TLN2: variants seen among roughly 807,000 people sequenced by gnomAD.
TLN2 encodes talin 2, also known as talin-2.
A neutral mutation model predicts 294.7 loss-of-function variants in TLN2; 118 were observed. The ratio of observed to expected loss-of-function variants is 0.40; its 90% CI spans 0.34 to 0.47. The LOEUF (loss-of-function observed/expected upper bound fraction) is 0.47, where lower values mean the gene tolerates loss of function less well. TLN2 is among the 20% of genes least tolerant of loss of function. TLN2 has a pLI of 0.84. For synonymous variants in TLN2, 1,431 were observed against 1,304.5 expected, an observed-to-expected ratio of 1.10 and a Z score of -2.09; for missense variants, 3,083 against 3,282.2, an observed-to-expected ratio of 0.94 and a Z score of 1.48.
At chr15:62,542,559 T>C (rs1259143056) in intron 1 of TLN2, among the ~76,000 whole-genome samples, 1 of 152,198 alleles carries the variant, frequency 6.6e-6, no homozygotes, top group Non-Finnish European at 1.5e-5. Flanking sequence ...AAATACTGTA[T>C]ATACTAGGAT....
intron 40 of TLN2, among the ~76,000 whole-genome samples, chr15:62,765,706 A>T (rs945674374): frequency 1.3e-5 from 2 of 152,216 alleles, no homozygotes; most frequent in East Asian, 1.9e-4. Flanking sequence ...GCATGATTCA[A>T]TTCTTTAGGG....
chr15:62,533,962 A>G (rs2041190865), intron 1 of TLN2, among the ~76,000 whole-genome samples: 1 of 152,208 alleles, frequency 6.6e-6, no homozygotes, highest in Non-Finnish European at 1.5e-5. Context: ...TTAATTAACA[A>G]GAAGCAGTCA....
chr15:62,456,713 ATAGT>A (rs72164062), intron 1 of TLN2, among the ~76,000 whole-genome samples: 28,927 of 151,984 alleles, frequency 0.19, 2,909 homozygotes, highest in Non-Finnish European at 0.22. Flanking sequence ...GGCTTGTCAC[ATAGT>A]TAGTATGTTT....
intron 1 of TLN2, among the ~76,000 whole-genome samples, 180 bp from the exon 2 acceptor site, chr15:62,589,507 C>T (rs2045922448): frequency 6.6e-6 from 1 of 152,206 alleles, no homozygotes; most frequent in Admixed American, 6.5e-5. Context: ...AAATAAGTGT[C>T]TTGGGACCTG....
At chr15:62,444,431 T>A (rs1021470170) in intron 1 of TLN2, among the ~76,000 whole-genome samples, 1 of 152,264 alleles carries the variant, frequency 6.6e-6, no homozygotes, top group Non-Finnish European at 1.5e-5. Flanking sequence ...TTCCCAAATT[T>A]GTGAATACTC....
At chr15:62,401,667 TC>T (rs1178013238) in intron 1 of TLN2, among the ~76,000 whole-genome samples, 1 of 152,168 alleles carries the variant, frequency 6.6e-6, no homozygotes, top group African/African-American at 2.4e-5. Flanking sequence ...GTCCTCTGAG[TC>T]ACCTTGCCTC....
chr15:62,760,379 A>G (rs1260727243), intron 37 of TLN2, among the ~76,000 whole-genome samples: 1 of 152,144 alleles, frequency 6.6e-6, no homozygotes, highest in African/African-American at 2.4e-5. Flanking sequence ...TGCTCTACTG[A>G]AAAACAGAAA....
intron 1 of TLN2, among the ~76,000 whole-genome samples, chr15:62,525,220 A>G (rs1376593570): frequency 6.6e-6 from 1 of 152,210 alleles, no homozygotes; most frequent in Non-Finnish European, 1.5e-5. Context: ...TCAGTTTATT[A>G]AAGTTGATTT....
At chr15:62,725,546 T>A (rs904318419) in intron 27 of TLN2, among the ~76,000 whole-genome samples, 6 of 152,200 alleles carry the variant, frequency 3.9e-5, no homozygotes, top group Non-Finnish European at 5.9e-5. Flanking sequence ...TTACCACACC[T>A]CCTGATGCTT....
intron 52 of TLN2, among the ~76,000 whole-genome samples, chr15:62,810,529 A>T (rs1393098998): frequency 6.6e-6 from 1 of 152,058 alleles, no homozygotes; most frequent in Non-Finnish European, 1.5e-5. Flanking sequence ...CCCATCGAGA[A>T]TGACTCCCCC....
intron 1 of TLN2, among the ~76,000 whole-genome samples, chr15:62,531,468 A>G (rs1291806169): frequency 1.3e-5 from 2 of 152,250 alleles, no homozygotes; most frequent in East Asian, 3.9e-4. Context: ...CTTTTTTTTC[A>G]TATGCTTTGG....
intron 1 of TLN2, among the ~76,000 whole-genome samples, chr15:62,544,511 A>G (rs531812323): frequency 6.6e-6 from 1 of 152,198 alleles, no homozygotes; most frequent in African/African-American, 2.4e-5. Flanking sequence ...CACTGTGTGT[A>G]CAAGGAAGGA....
chr15:62,657,244 C>T (rs1356347365), intron 8 of TLN2, among the ~76,000 whole-genome samples: 1 of 151,964 alleles, frequency 6.6e-6, no homozygotes, highest in East Asian at 1.9e-4. Context: ...GATGCATTCG[C>T]TTGTCATTTC....
chr15:62,432,498 C>A (rs1011740873), intron 1 of TLN2, among the ~76,000 whole-genome samples: 2 of 152,304 alleles, frequency 1.3e-5, no homozygotes, highest in East Asian at 3.9e-4. Context: ...CACCTCTCAA[C>A]ACTGTTGCAT....
chr15:62,726,312 G>A (rs1160968380), intron 27 of TLN2, among the ~76,000 whole-genome samples: 1 of 152,166 alleles, frequency 6.6e-6, no homozygotes, highest in Non-Finnish European at 1.5e-5. Flanking sequence ...GCCTCTCTTG[G>A]AAAACATGTT....
At chr15:62,540,377 A>G (rs1339823194) in intron 1 of TLN2, among the ~76,000 whole-genome samples, 18 of 137,998 alleles carry the variant, frequency 1.3e-4, no homozygotes, top group Admixed American at 8.8e-4. Context: ...TTTTTTTTAC[A>G]TGAGTAAGCG....
chr15:62,741,748 C>CGCGCGCACGTGTGTGTGTGTGT, intron 32 of TLN2, among the ~76,000 whole-genome samples: 7 of 131,072 alleles, frequency 5.3e-5, no homozygotes, highest in African/African-American at 1.8e-4. Context: ...AAAATTTGCG[C>CGCGCGCACGTGTGTGTGTGTGT]GTGTGTGTGT....
intron 2 of TLN2, among the ~76,000 whole-genome samples, chr15:62,603,644 A>G (rs1195011335): frequency 6.6e-6 from 1 of 152,258 alleles, no homozygotes; most frequent in Non-Finnish European, 1.5e-5. Flanking sequence ...TTAAATGTAT[A>G]TACGAGGTGA....
intron 12 of TLN2, chr15:62,687,717 AAAC>A (rs1236297395): frequency 1.3e-5 from 2 of 152,340 alleles, no homozygotes; most frequent in African/African-American, 4.8e-5. Context: ...ATCAGAAAAA[AAAC>A]TGTGTAAAGA....
Sources: allele counts gnomAD v4.1 joint callset (sites outside exome capture counted in the v4.1 genomes callset), GRCh38; gene constraint gnomAD v4.1.1; transcripts MANE v1.5; gene names NCBI Gene and HGNC (gene_info 2026-07-23, HGNC 2026-07-21).